M1AP: variants seen among roughly 807,000 people sequenced by gnomAD.
M1AP encodes meiosis 1 associated protein.
Under a neutral mutation model 51.2 loss-of-function variants are expected in M1AP, and 39 were observed. The ratio of observed to expected loss-of-function variants is 0.76; its 90% CI spans 0.59 to 1.00. The LOEUF is 1.00. Ranked by LOEUF, M1AP falls within the 50% of genes least tolerant of loss-of-function variation. The pLI is 0.00. For synonymous variants in M1AP, 251 were observed against 249.2 expected, an observed-to-expected ratio of 1.01 and a Z score of -0.07; for missense variants, 545 against 641.2, an observed-to-expected ratio of 0.85 and a Z score of 1.62.
At chr2:74,561,232 A>AGG in intron 8 of M1AP, among the ~76,000 whole-genome samples, 1 of 34,230 alleles carries the variant, frequency 2.9e-5, no homozygotes, top group African/African-American at 8.8e-5. Context: ...GGAGGAGGAG[A>AGG]AGGAGGAGGA....
chr2:74,596,144 G>A (rs1291025112), intron 4 of M1AP, among the ~76,000 whole-genome samples: 1 of 152,092 alleles, frequency 6.6e-6, no homozygotes, highest in African/African-American at 2.4e-5. Context: ...AAATGTTAAT[G>A]GACTCTACAT....
rs760960994 is a variant in M1AP at position 74,560,226 on chromosome 2, G to A, written c.1347C>T (p.Tyr449=). 31 of 1,613,806 alleles carry A rather than the reference G, an allele frequency of 1.9e-5. No individual in the cohort carries two copies. The highest frequency in any genetic ancestry group is 2.5e-5 in the Non-Finnish European group (29 of 1,179,946). ...YNPLHVQSHL[Y]SHLSSIYAKP... ...TGGCATAGATGCTGCTCAGGTGTGA[G>A]TACAGGTGGCTTTGAACATGCAAGG... The change falls in exon 9 of 11, where the codon TAC becomes TAT. Residue 449 remains tyrosine, a synonymous_variant. Coordinates refer to ENST00000421985, the MANE Select transcript of M1AP (RefSeq NM_001321739.2).
intron 4 of M1AP, among the ~76,000 whole-genome samples, chr2:74,602,484 T>C (rs1680731297): frequency 6.6e-6 from 1 of 152,284 alleles, no homozygotes; most frequent in Non-Finnish European, 1.5e-5. Flanking sequence ...AACTACTGCA[T>C]GGAGTAGGAA....
At chr2:74,584,129 A>G (rs1385479920) in intron 4 of M1AP, among the ~76,000 whole-genome samples, 1 of 152,238 alleles carries the variant, frequency 6.6e-6, no homozygotes, top group African/African-American at 2.4e-5. Flanking sequence ...CCTTGCAAGT[A>G]AAGAGAAATA....
intron 2 of M1AP, among the ~76,000 whole-genome samples, chr2:74,621,843 C>T (rs1194816634): frequency 1.3e-5 from 2 of 150,766 alleles, no homozygotes; most frequent in Non-Finnish European, 2.9e-5. Context: ...GGCGGTGGCT[C>T]AAGCCTGTAA....
chr2:74,638,683 A>G (rs955470840), intron 2 of M1AP, among the ~76,000 whole-genome samples: 12 of 152,220 alleles, frequency 7.9e-5, no homozygotes, highest in Non-Finnish European at 1.5e-4. Context: ...ATTTCTGCCA[A>G]CAGCTAAGTG....
At chr2:74,624,203 C>T (rs774416814) in intron 2 of M1AP, among the ~76,000 whole-genome samples, 3 of 152,162 alleles carry the variant, frequency 2.0e-5, no homozygotes, top group Non-Finnish European at 4.4e-5. Flanking sequence ...ATTTCAGAGG[C>T]TGTAAAGCTG....
chr2:74,640,431 G>A (rs1683227873), intron 1 of M1AP, 104 bp from the exon 2 acceptor site: 2 of 951,852 alleles, frequency 2.1e-6, no homozygotes, highest in Admixed American at 2.9e-5. Context: ...AAAGGAGTCA[G>A]ATTGGGTACT....
intron 7 of M1AP, among the ~76,000 whole-genome samples, chr2:74,565,687 G>C (rs1196975609): frequency 6.6e-6 from 1 of 151,950 alleles, no homozygotes; most frequent in Non-Finnish European, 1.5e-5. Context: ...AAATTAGCCG[G>C]GAGTGGTGGC....
intron 2 of M1AP, among the ~76,000 whole-genome samples, chr2:74,621,742 G>C (rs370100458): frequency 1.5e-4 from 23 of 151,896 alleles, no homozygotes; most frequent in South Asian, 6.2e-4. Flanking sequence ...GCAGTGAGCC[G>C]AGATCGCGCT....
chr2:74,644,771 A>T (rs1683504200), intron 1 of M1AP, among the ~76,000 whole-genome samples: 1 of 152,370 alleles, frequency 6.6e-6, no homozygotes, highest in African/African-American at 2.4e-5. Flanking sequence ...TAATGTATTT[A>T]CCAAGAAAGC....
intron 4 of M1AP, among the ~76,000 whole-genome samples, chr2:74,603,767 G>A (rs1680808382): frequency 6.6e-6 from 1 of 152,154 alleles, no homozygotes; most frequent in African/African-American, 2.4e-5. Flanking sequence ...GCTGCATGAT[G>A]GTGGAAGGAT....
chr2:74,641,257 C>T (rs537503889), intron 1 of M1AP, among the ~76,000 whole-genome samples: 4 of 152,340 alleles, frequency 2.6e-5, no homozygotes, highest in Non-Finnish European at 4.4e-5. Flanking sequence ...TGCATTTGCT[C>T]ATGCTGCTTC....
chr2:74,580,978 C>T lies in M1AP; in HGVS notation c.769+696G>A, dbSNP rs570566681. Among the ~76,000 whole-genome samples the T allele has an allele frequency of 8.5e-5, 13 of 152,290 alleles. No homozygotes were observed. In the South Asian group the frequency reaches 2.1e-3, roughly 24 times the overall value. On this transcript the variant is annotated intron_variant, in intron 5 of 10. Coordinates refer to ENST00000421985, the MANE Select transcript of M1AP (RefSeq NM_001321739.2). Reference sequence around the variant, plus strand: ...CTGCAGGCCCAGCCACCCCAGGTCCCGCCTGAGCCAGCCTTCCGAGGAGAT... The same window carrying T: ...CTGCAGGCCCAGCCACCCCAGGTCCTGCCTGAGCCAGCCTTCCGAGGAGAT...
intron 3 of M1AP, among the ~76,000 whole-genome samples, chr2:74,607,619 A>G (rs1339416340): frequency 6.6e-6 from 1 of 152,094 alleles, no homozygotes; most frequent in Non-Finnish European, 1.5e-5. Flanking sequence ...GATTACAGGC[A>G]CGTGCCACCA....
chr2:74,566,647 C>T (rs371014776), intron 7 of M1AP, among the ~76,000 whole-genome samples: 1 of 138,304 alleles, frequency 7.2e-6, no homozygotes, highest in Non-Finnish European at 1.6e-5. Flanking sequence ...GTCTATCCCC[C>T]CCACCCGCCC....
chr2:74,601,664 A>T (rs1680685953), intron 4 of M1AP, among the ~76,000 whole-genome samples: 2 of 152,166 alleles, frequency 1.3e-5, no homozygotes, highest in Non-Finnish European at 1.5e-5. Context: ...ATATTAAAGG[A>T]AGTCCCATTT....
At chr2:74,627,514 A>G (rs1218865506) in intron 2 of M1AP, among the ~76,000 whole-genome samples, 3 of 152,132 alleles carry the variant, frequency 2.0e-5, no homozygotes, top group African/African-American at 7.2e-5. Flanking sequence ...AAATATCTAG[A>G]ATACTTTTAT....
chr2:74,619,034 G>C, intron 2 of M1AP: 1 of 493,328 alleles, frequency 2.0e-6, no homozygotes, highest in Admixed American at 2.2e-5. Context: ...TCATCGGCAG[G>C]AAAAAGGTAA....
Sources: gnomAD v4.1 joint callset for allele counts (sites outside exome capture counted in the v4.1 genomes callset) on GRCh38, gnomAD v4.1.1 for gene constraint, MANE v1.5 for transcripts, NCBI Gene and HGNC (gene_info 2026-07-23, HGNC 2026-07-21) for gene names.